The following DLG2 variants were observed in gnomAD, a reference collection of about 807,000 sequenced individuals.
DLG2 encodes discs large MAGUK scaffold protein 2.
A neutral mutation model predicts 132.5 loss-of-function variants in DLG2; 45 were observed. That is an observed-to-expected ratio of 0.34 (90% CI 0.27 to 0.44). The LOEUF (loss-of-function observed/expected upper bound fraction) is 0.44, where lower values mean the gene tolerates loss of function less well. Among genes scored for constraint, DLG2 ranks in the 20% least tolerant of loss-of-function variants. The probability of loss-of-function intolerance (pLI) is 1.00; values close to 1 mark genes in which losing one functional copy is unlikely to be tolerated. For synonymous variants in DLG2, 424 were observed against 419.6 expected (o/e 1.01, Z -0.13); for missense variants, 1,045 against 1,196.9 (o/e 0.87, Z 1.87).
intron 7 of DLG2, among the ~76,000 whole-genome samples, chr11:84,283,486 A>G (rs1173324566): frequency 2.0e-5 from 3 of 152,230 alleles, no homozygotes; most frequent in African/African-American, 7.2e-5. Flanking sequence ...TTACTGATTT[A>G]TTTAACAAGT....
chr11:85,445,050 A>C (rs940854829), intron 3 of DLG2, among the ~76,000 whole-genome samples: 6 of 152,334 alleles, frequency 3.9e-5, no homozygotes, highest in African/African-American at 1.4e-4. Context: ...AAACAACATA[A>C]ATCTGGGGAA....
chr11:83,565,993 A>T (rs1437061922), intron 19 of DLG2, among the ~76,000 whole-genome samples: 1 of 152,182 alleles, frequency 6.6e-6, no homozygotes, highest in Non-Finnish European at 1.5e-5. Flanking sequence ...CTTCTGTTTC[A>T]TGAAGTCCTA....
At chr11:85,549,747 T>C (rs902996920) in intron 3 of DLG2, among the ~76,000 whole-genome samples, 4 of 152,156 alleles carry the variant, frequency 2.6e-5, no homozygotes, top group African/African-American at 7.2e-5. Context: ...ATCAAGATGG[T>C]GATGAAAGTG....
chr11:84,911,019 A>G (rs1332137206), intron 6 of DLG2, among the ~76,000 whole-genome samples: 1 of 152,218 alleles, frequency 6.6e-6, no homozygotes, highest in Non-Finnish European at 1.5e-5. Flanking sequence ...AAGGAAAGGT[A>G]AATATTTTTC....
chr11:83,831,257 T>C (rs147856120), intron 17 of DLG2, among the ~76,000 whole-genome samples: 2 of 152,208 alleles, frequency 1.3e-5, no homozygotes, highest in East Asian at 1.9e-4. Flanking sequence ...ATCATGAAAG[T>C]ATTGAAGAAG....
At chr11:85,099,448 T>C (rs2070476834) in intron 6 of DLG2, among the ~76,000 whole-genome samples, 1 of 152,220 alleles carries the variant, frequency 6.6e-6, no homozygotes, top group South Asian at 2.1e-4. Flanking sequence ...TTTCCTTGAA[T>C]TTCTAGCTTT....
At chr11:84,554,750 A>C (rs1352959497) in intron 6 of DLG2, among the ~76,000 whole-genome samples, 1 of 151,998 alleles carries the variant, frequency 6.6e-6, no homozygotes, top group Non-Finnish European at 1.5e-5. Flanking sequence ...CTGTCTCAAT[A>C]ATAATAATAA....
chr11:84,990,636 A>G (rs748623352), intron 6 of DLG2, among the ~76,000 whole-genome samples: 1 of 148,520 alleles, frequency 6.7e-6, no homozygotes, highest in South Asian at 2.2e-4. Flanking sequence ...GAGAAATGCA[A>G]ATTAAAACCA....
At position 83,619,243 on chromosome 11, in the gene DLG2, T is replaced by C. The variant is rs184957698; in HGVS notation, c.1940+13968A>G. On this transcript the variant is annotated intron_variant, in intron 19 of 27. Transcript: ENST00000376104. Reference sequence around the variant, plus strand: ...GTCAAAGATCTACTCACTGACCATCTTTAACGTCCTCATTTATTACTGAGG... The same window carrying C: ...GTCAAAGATCTACTCACTGACCATCCTTAACGTCCTCATTTATTACTGAGG... Among the ~76,000 whole-genome samples the C allele has an allele frequency of 1.8e-3, 272 of 152,372 alleles. 3 individuals are homozygous for C. The highest frequency in any genetic ancestry group is 0.016 in the Admixed American group (249 of 15,306).
intron 6 of DLG2, among the ~76,000 whole-genome samples, chr11:84,974,793 T>A (rs2054630171): frequency 6.6e-6 from 1 of 152,186 alleles, no homozygotes; most frequent in South Asian, 2.1e-4. Flanking sequence ...GAATTTGTAT[T>A]TTAGCAAGCC....
intron 8 of DLG2, among the ~76,000 whole-genome samples, chr11:84,195,792 C>T (rs905168968): frequency 2.6e-5 from 4 of 152,212 alleles, no homozygotes; most frequent in African/African-American, 9.6e-5. Flanking sequence ...TGATGCCCTC[C>T]ACTTTTCCTT....
intron 21 of DLG2, among the ~76,000 whole-genome samples, chr11:83,520,639 G>GTAGATAGATAGATTAGATAGA (rs2095444178): frequency 6.8e-6 from 1 of 147,954 alleles, no homozygotes. Flanking sequence ...AGGTAGGTAG[G>GTAGATAGATAGATTAGATAGA]TAGATAGATA....
intron 18 of DLG2, among the ~76,000 whole-genome samples, chr11:83,748,118 T>C (rs1417763249): frequency 1.3e-5 from 2 of 152,234 alleles, no homozygotes; most frequent in Non-Finnish European, 2.9e-5. Flanking sequence ...ATAGATTCTG[T>C]ATGTACTCTG....
intron 2 of DLG2, among the ~76,000 whole-genome samples, chr11:85,604,224 C>G (rs1253822748): frequency 6.6e-6 from 1 of 152,190 alleles, no homozygotes; most frequent in Non-Finnish European, 1.5e-5. Context: ...AATCAAGTCT[C>G]CAAGTTAGGC....
At chr11:84,438,965 C>T (rs2099009456) in intron 7 of DLG2, among the ~76,000 whole-genome samples, 1 of 152,158 alleles carries the variant, frequency 6.6e-6, no homozygotes, top group African/African-American at 2.4e-5. Flanking sequence ...AGAGTTTCAT[C>T]TGTGGAATCA....
rs574398948 is a variant in DLG2, at chr11:85,521,009, C to T, written c.40+77648G>A. Among the ~76,000 whole-genome samples, 3 of 152,208 alleles carry T rather than the reference C, an allele frequency of 2.0e-5. No homozygotes were observed. The East Asian group carries it at 5.8e-4, about 29-fold the overall frequency. On this transcript the variant is annotated intron_variant, in intron 3 of 27. Coordinates refer to ENST00000376104, the MANE Select transcript of DLG2 (RefSeq NM_001142699.3). ...GACAGACAACCAAAGCAAAAATGGA[C>T]AGATGGGATCACATCAAGTTAAAAA...
At chr11:84,423,607 C>T (rs954278964) in intron 7 of DLG2, among the ~76,000 whole-genome samples, 12 of 152,118 alleles carry the variant, frequency 7.9e-5, no homozygotes, top group Non-Finnish European at 1.5e-5. Context: ...ATGTTGAGTA[C>T]TGAATAGGCC....
intron 21 of DLG2, among the ~76,000 whole-genome samples, chr11:83,499,895 A>ATCTATC (rs1555113454): frequency 2.3e-4 from 26 of 114,518 alleles, no homozygotes; most frequent in African/African-American, 9.0e-4. Flanking sequence ...ATATATATAT[A>ATCTATC]TATCAGTTCT....
chr11:84,688,754 A>G (rs1022204265), intron 6 of DLG2, among the ~76,000 whole-genome samples: 4 of 152,156 alleles, frequency 2.6e-5, no homozygotes, highest in Admixed American at 2.0e-4. Context: ...GATCAGCTCA[A>G]ATATGACCCT....
Sources: gnomAD v4.1 joint callset for allele counts (sites outside exome capture counted in the v4.1 genomes callset) on GRCh38, gnomAD v4.1.1 for gene constraint, MANE v1.5 for transcripts, NCBI Gene and HGNC (gene_info 2026-07-23, HGNC 2026-07-21) for gene names.